L3MBTL4: variants seen among roughly 807,000 people sequenced by gnomAD.
L3MBTL4 encodes lethal(3)malignant brain tumor-like protein 4.
A neutral mutation model predicts 84.5 loss-of-function variants in L3MBTL4; 70 were observed. The observed-to-expected ratio is 0.83, with a 90% CI of 0.68 to 1.01. The LOEUF (loss-of-function observed/expected upper bound fraction) is 1.01. L3MBTL4 is among the 50% of genes least tolerant of loss of function. L3MBTL4 has a pLI of 0.00. For synonymous variants in L3MBTL4, 274 were observed against 259.8 expected, an observed-to-expected ratio of 1.05 and a Z score of -0.52; for missense variants, 715 against 754.8, an observed-to-expected ratio of 0.95 and a Z score of 0.62.
At chr18:5,975,218 C>T (rs1056386093) in intron 16 of L3MBTL4, among the ~76,000 whole-genome samples, 5 of 152,186 alleles carry the variant, frequency 3.3e-5, no homozygotes, top group Admixed American at 1.3e-4. Flanking sequence ...TGGTAAACCA[C>T]AGTCTGCATG....
chr18:6,071,012 T>A (rs1441875176), intron 16 of L3MBTL4, among the ~76,000 whole-genome samples: 1 of 152,014 alleles, frequency 6.6e-6, no homozygotes, highest in Admixed American at 6.5e-5. Context: ...AATGGTATAC[T>A]CACATGAATT....
chr18:6,143,883 T>C (rs2060266805), intron 13 of L3MBTL4, among the ~76,000 whole-genome samples: 1 of 152,138 alleles, frequency 6.6e-6, no homozygotes, highest in African/African-American at 2.4e-5. Context: ...AAGTATGTTT[T>C]ATGAGTGGGA....
At chr18:6,032,385 T>C (rs1345925982) in intron 16 of L3MBTL4, 5 of 346,922 alleles carry the variant, frequency 1.4e-5, no homozygotes, top group Non-Finnish European at 2.0e-5. Context: ...TGAAATATGT[T>C]ACACACACAC....
intron 1 of L3MBTL4, among the ~76,000 whole-genome samples, chr18:6,353,428 A>G (rs151091796): frequency 1.0e-3 from 156 of 152,348 alleles, no homozygotes; most frequent in African/African-American, 3.6e-3. Context: ...ATGTAATTAA[A>G]TAAAAATATC....
At chr18:5,973,466 A>G (rs1015682118) in intron 16 of L3MBTL4, among the ~76,000 whole-genome samples, 3 of 152,230 alleles carry the variant, frequency 2.0e-5, no homozygotes, top group East Asian at 3.8e-4. Context: ...TGTGCATAAA[A>G]TTACACTTTT....
intron 12 of L3MBTL4, among the ~76,000 whole-genome samples, chr18:6,175,570 CAGA>C (rs991573864): frequency 2.6e-5 from 4 of 152,034 alleles, no homozygotes; most frequent in African/African-American, 4.8e-5. Flanking sequence ...CATTACACCA[CAGA>C]AGAAGAAGAA....
chr18:6,359,783 TTA>T (rs1568551438), intron 1 of L3MBTL4, among the ~76,000 whole-genome samples: 2 of 152,002 alleles, frequency 1.3e-5, no homozygotes, highest in Admixed American at 6.5e-5. Flanking sequence ...CTTTACAGAC[TTA>T]TGTTTTCAAT....
At chr18:6,109,573 G>C (rs1004739464) in intron 14 of L3MBTL4, among the ~76,000 whole-genome samples, 1 of 152,108 alleles carries the variant, frequency 6.6e-6, no homozygotes, top group Non-Finnish European at 1.5e-5. Context: ...TCCAGAGCCT[G>C]TTTGGGGTCA....
chr18:6,099,848 T>A (rs964422299), intron 14 of L3MBTL4, among the ~76,000 whole-genome samples: 25 of 152,052 alleles, frequency 1.6e-4, no homozygotes, highest in African/African-American at 6.0e-4. Context: ...TATATATCTA[T>A]ATCTATCTAC....
At chr18:6,139,345 C>T (rs993561836) in intron 13 of L3MBTL4, among the ~76,000 whole-genome samples, 1 of 152,102 alleles carries the variant, frequency 6.6e-6, no homozygotes, top group Non-Finnish European at 1.5e-5. Context: ...ATATACCGTA[C>T]TGTACTGCAT....
At chr18:5,996,423 C>CGTTTTT (rs897242508) in intron 16 of L3MBTL4, among the ~76,000 whole-genome samples, 4 of 152,134 alleles carry the variant, frequency 2.6e-5, no homozygotes, top group Non-Finnish European at 4.4e-5. Context: ...GTGAGCTGTA[C>CGTTTTT]GTTTTTGTTT....
At chr18:6,329,002 T>G (rs574437973) in intron 1 of L3MBTL4, among the ~76,000 whole-genome samples, 1 of 152,332 alleles carries the variant, frequency 6.6e-6, no homozygotes. Flanking sequence ...TTTCATGCAC[T>G]GAACACATGT....
chr18:6,087,406 A>T (rs2058292587), intron 15 of L3MBTL4, among the ~76,000 whole-genome samples: 1 of 152,132 alleles, frequency 6.6e-6, no homozygotes, highest in African/African-American at 2.4e-5. Context: ...CCTTGTCTCC[A>T]CATTGCAGAA....
intron 13 of L3MBTL4, among the ~76,000 whole-genome samples, chr18:6,151,394 C>CAT (rs769079997): frequency 5.3e-5 from 8 of 151,794 alleles, no homozygotes; most frequent in South Asian, 2.1e-4. Flanking sequence ...TTTTAATTTT[C>CAT]ATATATATAT....
chr18:6,035,697 T>A (rs1244691007), intron 16 of L3MBTL4, among the ~76,000 whole-genome samples: 2 of 152,148 alleles, frequency 1.3e-5, no homozygotes, highest in Non-Finnish European at 2.9e-5. Flanking sequence ...AAGTCATTGG[T>A]AGCTTGATGG....
At chr18:6,045,379 A>C (rs888098745) in intron 16 of L3MBTL4, among the ~76,000 whole-genome samples, 1 of 152,236 alleles carries the variant, frequency 6.6e-6, no homozygotes, top group African/African-American at 2.4e-5. Flanking sequence ...GAGATCCTTA[A>C]GGAAGGTGTA....
At chr18:6,350,624 G>T (rs1030176800) in intron 1 of L3MBTL4, among the ~76,000 whole-genome samples, 57 of 151,766 alleles carry the variant, frequency 3.8e-4, no homozygotes, top group African/African-American at 1.4e-3. Context: ...CATTGCAAGT[G>T]GGAATGTAAA....
intron 3 of L3MBTL4, among the ~76,000 whole-genome samples, chr18:6,302,243 T>C (rs1599551440): frequency 6.6e-6 from 1 of 152,102 alleles, no homozygotes; most frequent in Non-Finnish European, 1.5e-5. Flanking sequence ...CTTCCCTGAG[T>C]GGATCCCTGG....
At chr18:6,264,862 C>T (rs932338234) in intron 4 of L3MBTL4, among the ~76,000 whole-genome samples, 7 of 152,228 alleles carry the variant, frequency 4.6e-5, no homozygotes, top group African/African-American at 1.2e-4. Context: ...GCAGTAGACA[C>T]GCCCAAGGGG....
Sources: allele counts gnomAD v4.1 joint callset (sites outside exome capture counted in the v4.1 genomes callset), GRCh38; gene constraint gnomAD v4.1.1; transcripts MANE v1.5; gene names NCBI Gene and HGNC (gene_info 2026-07-23, HGNC 2026-07-21).